PTPRK: variants seen among roughly 807,000 people sequenced by gnomAD.
PTPRK encodes receptor-type tyrosine-protein phosphatase kappa.
In PTPRK, 75 loss-of-function variants were observed where a neutral mutation model predicts 178.0. That is an observed-to-expected ratio of 0.42 (90% CI 0.35 to 0.51). PTPRK has a LOEUF of 0.51. Among genes scored for constraint, PTPRK ranks in the 20% least tolerant of loss-of-function variants. The pLI is 0.02. For missense variants in PTPRK, 1,441 were observed against 1,797.8 expected (o/e 0.80, Z 3.59); for synonymous variants, 637 against 620.6 (o/e 1.03, Z -0.39).
rs1007468542 is a variant in PTPRK at position 128,028,086 on chromosome 6, T to C, written c.2195-18818A>G. On this transcript the variant is annotated intron_variant, in intron 13 of 29. Coordinates refer to ENST00000368226, the MANE Select transcript of PTPRK (RefSeq NM_002844.4). The stretch of plus-strand genomic sequence containing the variant: ...GTTCTTCTTAATAGCCTACAAAGAT[T>C]TCAGGGAAAATGAAAATGACGAATA... 5.3e-5 allele frequency among the ~76,000 whole-genome samples: 8 copies of C among 152,308 alleles called. No individual in the cohort carries two copies. The East Asian group carries it at 1.5e-3, about 29-fold the overall frequency.
intron 7 of PTPRK, among the ~76,000 whole-genome samples, chr6:128,142,077 G>A (rs1438047716): frequency 6.6e-6 from 1 of 151,694 alleles, no homozygotes; most frequent in Non-Finnish European, 1.5e-5. Flanking sequence ...TATTCACTAT[G>A]TGCATATACA....
At chr6:128,269,520 T>C (rs561531631) in intron 3 of PTPRK, among the ~76,000 whole-genome samples, 1 of 141,914 alleles carries the variant, frequency 7.0e-6, no homozygotes, top group Non-Finnish European at 1.6e-5. Flanking sequence ...AAAATAAATT[T>C]AAAAAAAAAA....
chr6:128,312,210 T>G (rs1584086290), intron 3 of PTPRK, among the ~76,000 whole-genome samples: 1 of 152,346 alleles, frequency 6.6e-6, no homozygotes, highest in Admixed American at 6.5e-5. Flanking sequence ...TCGGGTCTTT[T>G]GACCTACATG....
intron 13 of PTPRK, among the ~76,000 whole-genome samples, chr6:128,011,623 C>A (rs1554266887): frequency 5.3e-5 from 8 of 151,112 alleles, no homozygotes; most frequent in Non-Finnish European, 8.9e-5. Flanking sequence ...AGAACAGCAG[C>A]TTTAATACTA....
chr6:128,453,014 A>G (rs1847976255), intron 1 of PTPRK, among the ~76,000 whole-genome samples: 1 of 152,216 alleles, frequency 6.6e-6, no homozygotes. Context: ...AGTTAATAAC[A>G]GCTGACCTGC....
At chr6:128,008,571 C>A (rs1044347043) in intron 14 of PTPRK, among the ~76,000 whole-genome samples, 1 of 150,928 alleles carries the variant, frequency 6.6e-6, no homozygotes, top group Non-Finnish European at 1.5e-5. Flanking sequence ...CTTCAAGTAA[C>A]GTCAGAAGAT....
intron 2 of PTPRK, among the ~76,000 whole-genome samples, chr6:128,396,093 G>T (rs981690219): frequency 6.6e-5 from 10 of 151,534 alleles, no homozygotes; most frequent in Non-Finnish European, 1.3e-4. Context: ...CAAGTTCAGG[G>T]ATGCTGCTGA....
At chr6:128,098,817 T>C (rs1318961992) in intron 7 of PTPRK, among the ~76,000 whole-genome samples, 3 of 152,178 alleles carry the variant, frequency 2.0e-5, no homozygotes, top group African/African-American at 4.8e-5. Context: ...AAAACACTTA[T>C]TAAGTGCTTA....
intron 1 of PTPRK, among the ~76,000 whole-genome samples, chr6:128,432,837 T>G (rs1172941314): frequency 6.6e-6 from 1 of 152,132 alleles, no homozygotes; most frequent in Non-Finnish European, 1.5e-5. Context: ...TTATTCGGTA[T>G]TTTCATTATT....
rs146768863 is a variant in PTPRK, at chr6:128,000,806, A to G, written c.2495-1902T>C. On this transcript the variant is annotated intron_variant, in intron 15 of 29. Transcript: ENST00000368226. ...AAATGCAATCACTCAAGCTGGAAGA[A>G]GGTAGCCAGGGCTCAGTGGAGCAGC... is the stretch of plus-strand genomic sequence containing the variant. 3.0e-3 allele frequency among the ~76,000 whole-genome samples: 462 copies of G among 152,154 alleles called. 2 individuals carry two copies. The highest frequency in any genetic ancestry group is 0.011 in the African/African-American group (442 of 41,554).
chr6:128,067,444 C>G, intron 12 of PTPRK, 75 bp downstream of exon 12: 1 of 1,368,280 alleles, frequency 7.3e-7, no homozygotes. Context: ...TTGACGGATG[C>G]TACTGAGTAT....
At chr6:128,165,250 T>C (rs1411814735) in intron 7 of PTPRK, among the ~76,000 whole-genome samples, 1 of 151,388 alleles carries the variant, frequency 6.6e-6, no homozygotes, top group Non-Finnish European at 1.5e-5. Context: ...TTTTGTTATA[T>C]AAAAAAGAAA....
chr6:128,369,151 T>TTATAC, intron 2 of PTPRK, among the ~76,000 whole-genome samples: 1 of 152,190 alleles, frequency 6.6e-6, no homozygotes, highest in East Asian at 1.9e-4. Context: ...ATTTCCCCAT[T>TTATAC]ACTGTCCCAC....
intron 21 of PTPRK, among the ~76,000 whole-genome samples, chr6:127,987,258 C>A (rs982757543): frequency 1.4e-5 from 2 of 144,550 alleles, no homozygotes; most frequent in Non-Finnish European, 3.1e-5. Flanking sequence ...CCCCCATTTT[C>A]TTGTTCTAAA....
chr6:127,974,705 T>C (rs922192335), intron 27 of PTPRK, among the ~76,000 whole-genome samples: 9 of 152,216 alleles, frequency 5.9e-5, no homozygotes, highest in African/African-American at 2.2e-4. Context: ...CACTCTATAT[T>C]CTTTACTCTT....
chr6:128,308,929 G>T (rs1330673293), intron 3 of PTPRK, among the ~76,000 whole-genome samples: 1 of 152,094 alleles, frequency 6.6e-6, no homozygotes. Context: ...AGTAGGCCTG[G>T]AGAAAAGAAT....
intron 1 of PTPRK, among the ~76,000 whole-genome samples, chr6:128,426,551 C>A (rs57524201): frequency 0.03 from 4,525 of 152,208 alleles, 203 homozygotes; most frequent in African/African-American, 0.1. Flanking sequence ...CCTTCACAGA[C>A]CAAGCTCCTT....
At chr6:128,499,153 AG>A in intron 1 of PTPRK, among the ~76,000 whole-genome samples, 1 of 152,202 alleles carries the variant, frequency 6.6e-6, no homozygotes, top group East Asian at 1.9e-4. Context: ...AAATAGGAAA[AG>A]TAAATAAAAA....
intron 7 of PTPRK, among the ~76,000 whole-genome samples, chr6:128,114,666 G>A (rs1371245360): frequency 7.0e-6 from 1 of 143,200 alleles, no homozygotes; most frequent in Non-Finnish European, 1.5e-5. Flanking sequence ...ACTATCACAA[G>A]AACAGCCTGG....
Sources: allele counts gnomAD v4.1 joint callset (sites outside exome capture counted in the v4.1 genomes callset), GRCh38; gene constraint gnomAD v4.1.1; transcripts MANE v1.5; gene names NCBI Gene and HGNC (gene_info 2026-07-23, HGNC 2026-07-21).